The following CADM2 variants were observed in gnomAD, a reference collection of about 807,000 sequenced individuals.
CADM2 encodes immunoglobulin superfamily member 4D.
A neutral mutation model predicts 49.8 loss-of-function variants in CADM2; 12 were observed. That is an observed-to-expected ratio of 0.24 (90% CI 0.15 to 0.39). The LOEUF (loss-of-function observed/expected upper bound fraction) is 0.39. Ranked by LOEUF, CADM2 falls within the 10% of genes least tolerant of loss-of-function variation. The pLI, the probability that CADM2 is intolerant of heterozygous loss-of-function variation, is 1.00. For synonymous variants in CADM2, 214 were observed against 175.4 expected, an observed-to-expected ratio of 1.22 and a Z score of -1.74; for missense variants, 378 against 492.3, an observed-to-expected ratio of 0.77 and a Z score of 2.20.
chr3:85,596,155 A>C (rs1250235309), intron 1 of CADM2, among the ~76,000 whole-genome samples: 2 of 151,734 alleles, frequency 1.3e-5, no homozygotes, highest in Non-Finnish European at 2.9e-5. Context: ...TGGTTTATTT[A>C]TATATTTTAT....
chr3:85,489,753 TG>T (rs1366214697), intron 1 of CADM2, among the ~76,000 whole-genome samples: 1 of 149,444 alleles, frequency 6.7e-6, no homozygotes, highest in Non-Finnish European at 1.5e-5. Context: ...CGTGTGTGTG[TG>T]TGTGAGAGAG....
chr3:86,017,741 A>T (rs1423755956), intron 8 of CADM2, among the ~76,000 whole-genome samples: 2 of 151,196 alleles, frequency 1.3e-5, no homozygotes, highest in African/African-American at 2.4e-5. Context: ...AAAAAAAAAA[A>T]GAAAGAAAAA....
chr3:85,021,545 C>G (rs1243392195), intron 1 of CADM2, among the ~76,000 whole-genome samples: 1 of 152,010 alleles, frequency 6.6e-6, no homozygotes, highest in Non-Finnish European at 1.5e-5. Flanking sequence ...GAGGCCAAGG[C>G]TAGTGGATCA....
At chr3:85,369,254 C>T (rs1017165703) in intron 1 of CADM2, among the ~76,000 whole-genome samples, 1 of 152,148 alleles carries the variant, frequency 6.6e-6, no homozygotes, top group Non-Finnish European at 1.5e-5. Flanking sequence ...TTTATTAAAA[C>T]AGTATTTTTG....
At chr3:85,118,260 A>T (rs1366896576) in intron 1 of CADM2, among the ~76,000 whole-genome samples, 1 of 142,188 alleles carries the variant, frequency 7.0e-6, no homozygotes, top group Non-Finnish European at 1.6e-5. Context: ...ATATTAAATA[A>T]AATTGATATA....
chr3:85,666,393 G>T (rs2065569209), intron 1 of CADM2, among the ~76,000 whole-genome samples: 1 of 151,856 alleles, frequency 6.6e-6, no homozygotes, highest in African/African-American at 2.4e-5. Flanking sequence ...ATTTAGACAT[G>T]CTACCTAGCT....
intron 8 of CADM2, among the ~76,000 whole-genome samples, chr3:86,063,916 G>A (rs1443427559): frequency 6.6e-6 from 1 of 152,034 alleles, no homozygotes; most frequent in Non-Finnish European, 1.5e-5. Flanking sequence ...TTGTCATAGG[G>A]CTGAGTCTTA....
intron 1 of CADM2, among the ~76,000 whole-genome samples, chr3:85,137,117 T>A (rs2107620339): frequency 6.6e-6 from 1 of 152,060 alleles, no homozygotes; most frequent in Middle Eastern, 3.4e-3. Flanking sequence ...GTTTTGATTC[T>A]ATTTTCCTGA....
intron 5 of CADM2, among the ~76,000 whole-genome samples, chr3:85,908,817 C>T (rs372493065): frequency 7.2e-5 from 11 of 151,866 alleles, no homozygotes; most frequent in East Asian, 3.9e-4. Flanking sequence ...CTCCACTTCC[C>T]GGGTTCAAGC....
At chr3:85,266,953 T>TGG (rs1378613366) in intron 1 of CADM2, among the ~76,000 whole-genome samples, 1 of 151,866 alleles carries the variant, frequency 6.6e-6, no homozygotes, top group Non-Finnish European at 1.5e-5. Context: ...TCCAATGTAT[T>TGG]AGAGAATTTT....
chr3:85,851,319 C>G (rs1340165302), intron 3 of CADM2, among the ~76,000 whole-genome samples: 1 of 151,898 alleles, frequency 6.6e-6, no homozygotes, highest in African/African-American at 2.4e-5. Context: ...TGTGAATTCT[C>G]TGTCAGAGTG....
intron 8 of CADM2, chr3:86,015,105 A>G (rs1455451917): frequency 1.2e-5 from 7 of 571,036 alleles, no homozygotes; most frequent in Middle Eastern, 4.9e-4. Flanking sequence ...TAATTCCAAA[A>G]CCATCGAAAA....
chr3:85,403,656 A>G (rs1360948340), intron 1 of CADM2, among the ~76,000 whole-genome samples: 1 of 152,144 alleles, frequency 6.6e-6, no homozygotes, highest in African/African-American at 2.4e-5. Flanking sequence ...TAGTTCAGGT[A>G]TTATTAGAGC....
At chr3:85,169,253 C>T (rs75970489) in intron 1 of CADM2, among the ~76,000 whole-genome samples, 7,428 of 152,192 alleles carry the variant, frequency 0.049, 253 homozygotes, top group East Asian at 0.14. Context: ...CTTGGCCTTC[C>T]AAAGTGCTGG....
intron 1 of CADM2, among the ~76,000 whole-genome samples, chr3:85,498,273 C>G (rs1422631430): frequency 6.6e-6 from 1 of 150,596 alleles, no homozygotes; most frequent in African/African-American, 2.4e-5. Context: ...AGTGTTCCTA[C>G]TTGAAAGAAG....
At chr3:85,996,068 C>A (rs566381385) in intron 8 of CADM2, among the ~76,000 whole-genome samples, 1 of 146,248 alleles carries the variant, frequency 6.8e-6, no homozygotes, top group South Asian at 2.1e-4. Flanking sequence ...CCAGCCTGGG[C>A]GACAGAGCAA....
intron 1 of CADM2, among the ~76,000 whole-genome samples, chr3:85,057,437 A>G (rs1281748203): frequency 6.6e-6 from 1 of 152,128 alleles, no homozygotes; most frequent in Admixed American, 6.5e-5. Flanking sequence ...TATTAATTAA[A>G]TGATTATATT....
chr3:85,709,612 T>C (rs1029557612), intron 1 of CADM2, among the ~76,000 whole-genome samples: 2 of 152,158 alleles, frequency 1.3e-5, no homozygotes, highest in African/African-American at 2.4e-5. Flanking sequence ...TGAATTTAAA[T>C]GGCATAAAAT....
intron 6 of CADM2, among the ~76,000 whole-genome samples, chr3:85,916,676 G>T (rs1032001660): frequency 4.9e-4 from 74 of 151,842 alleles, no homozygotes; most frequent in Non-Finnish European, 9.7e-4. Flanking sequence ...TAATCCTTTG[G>T]GTATATACCC....
Sources: allele counts gnomAD v4.1 joint callset (sites outside exome capture counted in the v4.1 genomes callset), GRCh38; gene constraint gnomAD v4.1.1; transcripts MANE v1.5; gene names NCBI Gene and HGNC (gene_info 2026-07-23, HGNC 2026-07-21).